USP32: variants seen among roughly 807,000 people sequenced by gnomAD.
USP32 encodes ubiquitin carboxyl-terminal hydrolase 32.
In USP32, 59 loss-of-function variants were observed where a neutral mutation model predicts 204.8. The ratio of observed to expected loss-of-function variants is 0.29; its 90% confidence interval spans 0.23 to 0.36. The LOEUF is 0.36. Ranked by LOEUF, USP32 falls within the 10% of genes least tolerant of loss-of-function variation. USP32 has a pLI of 1.00. For synonymous variants in USP32, 517 were observed against 678.4 expected (o/e 0.76, Z 3.70); for missense variants, 1,160 against 1,946.4 (o/e 0.60, Z 7.60).
chr17:60,264,103 T>A (rs1427189131), intron 9 of USP32, among the ~76,000 whole-genome samples: 3 of 152,182 alleles, frequency 2.0e-5, no homozygotes, highest in Non-Finnish European at 4.4e-5. Flanking sequence ...TAATAAATGT[T>A]ACCAAACTAA....
intron 2 of USP32, chr17:60,315,790 C>T (rs2087961363): frequency 1.3e-5 from 2 of 152,314 alleles, no homozygotes; most frequent in South Asian, 4.1e-4. Context: ...CACTGAGCTC[C>T]TGCAGAGGGA....
chr17:60,302,246 T>G (rs1045056964), intron 2 of USP32, among the ~76,000 whole-genome samples: 3 of 152,116 alleles, frequency 2.0e-5, no homozygotes, highest in Non-Finnish European at 4.4e-5. Flanking sequence ...GCAATTCTCC[T>G]GCCTCAGTCT....
intron 9 of USP32, among the ~76,000 whole-genome samples, chr17:60,261,053 A>G (rs2086440249): frequency 6.6e-6 from 1 of 152,238 alleles, no homozygotes; most frequent in Non-Finnish European, 1.5e-5. Context: ...TACACTGAAC[A>G]GTCACGACTA....
chr17:60,279,296 C>A (rs1367408796), intron 5 of USP32, among the ~76,000 whole-genome samples: 1 of 151,726 alleles, frequency 6.6e-6, no homozygotes, highest in Non-Finnish European at 1.5e-5. Context: ...CCAGCCTGGG[C>A]AACATGATGA....
At chr17:60,209,627 T>G (rs933020116) in intron 21 of USP32, 84 bp from the exon 22 acceptor site, 1 of 911,104 alleles carries the variant, frequency 1.1e-6, no homozygotes, top group Non-Finnish European at 1.6e-6. Flanking sequence ...ATCAGAGCCA[T>G]TGTAAGAAAA....
Position 60,288,696 on chromosome 17 carries a change from A to G in USP32, c.412-14T>C. The G allele has an allele frequency of 1.3e-6, 2 of 1,590,152 alleles. No homozygotes were observed. The highest frequency in any genetic ancestry group is 1.7e-6 in the Non-Finnish European group (2 of 1,171,726). On this transcript the variant is annotated splice_polypyrimidine_tract_variant and intron_variant, in intron 4 of 33. Coordinates refer to ENST00000300896, the MANE Select transcript of USP32 (RefSeq NM_032582.4). Reference sequence around the variant, plus strand: ...TACCTTTTCACCCTAAAATTAAAACAAGAAAACATAAGTTTAGTCAAATTT... The same window carrying G: ...TACCTTTTCACCCTAAAATTAAAACGAGAAAACATAAGTTTAGTCAAATTT...
upstream of USP32, among the ~76,000 whole-genome samples, chr17:60,395,321 G>A (rs370387508): frequency 3.0e-4 from 45 of 152,332 alleles, no homozygotes; most frequent in African/African-American, 9.6e-4. Context: ...AAAATTGTGA[G>A]TTGAGATAGC....
In USP32 at chr17:60,255,272, A is replaced by G; in HGVS notation, c.991-14T>C. On this transcript the variant is annotated splice_polypyrimidine_tract_variant and intron_variant, in intron 9 of 33. Coordinates refer to ENST00000300896, the MANE Select transcript of USP32 (RefSeq NM_032582.4). ...AAGATGACCCATCTGAAACAGAGAC[A>G]CTCATGTTAGGAACATCTTTTTTTT... 6.4e-7 allele frequency: 1 copy of G among 1,570,038 alleles called. No homozygotes were observed. Among genetic ancestry groups the G allele is most frequent in the Non-Finnish European group, 8.6e-7 (1 of 1,158,654 alleles).
chr17:60,391,118 A>G (rs1165498138), intron 1 of USP32, among the ~76,000 whole-genome samples: 3 of 152,194 alleles, frequency 2.0e-5, no homozygotes, highest in Non-Finnish European at 4.4e-5. Flanking sequence ...ATTTAACACA[A>G]TATCTGAATG....
intron 11 of USP32, among the ~76,000 whole-genome samples, chr17:60,250,921 A>C (rs1014475820): frequency 2.0e-5 from 3 of 151,618 alleles, no homozygotes; most frequent in African/African-American, 7.3e-5. Context: ...TTGCATATGG[A>C]GTGGCCACCC....
intron 2 of USP32, among the ~76,000 whole-genome samples, chr17:60,323,161 T>C (rs1021879650): frequency 6.6e-6 from 1 of 151,912 alleles, no homozygotes; most frequent in African/African-American, 2.4e-5. Context: ...TCCAAAGAAA[T>C]GGAAATATAT....
chr17:60,381,631 T>C (rs1166976924), intron 1 of USP32, among the ~76,000 whole-genome samples: 1 of 152,152 alleles, frequency 6.6e-6, no homozygotes, highest in South Asian at 2.1e-4. Flanking sequence ...TGGCAAGCCC[T>C]AGTAGTTTCT....
At chr17:60,289,506 C>T (rs1740893947) in intron 4 of USP32, among the ~76,000 whole-genome samples, 1 of 152,282 alleles carries the variant, frequency 6.6e-6, no homozygotes, top group East Asian at 1.9e-4. Context: ...TCCCAGAAGG[C>T]ATCACTGAAA....
rs181554413 is a variant in USP32 at position 60,178,966 on chromosome 17, A to T, written c.*289T>A. 396 of 334,682 alleles carry T rather than the reference A, an allele frequency of 1.2e-3. 3 individuals are homozygous for T. In the East Asian group the frequency reaches 0.018, roughly 15 times the overall value. 20.7% of individuals were successfully genotyped at this position (334,682 alleles called of 1,614,324 possible). On this transcript the variant is annotated 3_prime_UTR_variant, in exon 34 of 34. Coordinates refer to ENST00000300896, the MANE Select transcript of USP32 (RefSeq NM_032582.4). ...ATTTGTTCATATCTGGACAAGCACA[A>T]TTGAATTCTTATTTGGTCCCAGGTG...
chr17:60,309,566 C>T (rs1267738665), intron 2 of USP32, among the ~76,000 whole-genome samples: 1 of 152,076 alleles, frequency 6.6e-6, no homozygotes, highest in African/African-American at 2.4e-5. Context: ...TGCACTACTG[C>T]TCTCCAGTGT....
chr17:60,324,329 T>C (rs1470294516), intron 2 of USP32, among the ~76,000 whole-genome samples: 1 of 151,080 alleles, frequency 6.6e-6, no homozygotes, highest in Non-Finnish European at 1.5e-5. Flanking sequence ...TTTTTAAAAC[T>C]AACCAGATTC....
intron 14 of USP32, among the ~76,000 whole-genome samples, 196 bp downstream of exon 14, chr17:60,223,215 G>C (rs1210614987): frequency 6.6e-6 from 1 of 152,052 alleles, no homozygotes; most frequent in Non-Finnish European, 1.5e-5. Context: ...ATAATGCCAA[G>C]GGTTACTAAA....
At chr17:60,417,119 T>C (rs1212775847) in intron 1 of USP32, among the ~76,000 whole-genome samples, 5 of 152,120 alleles carry the variant, frequency 3.3e-5, no homozygotes, top group Non-Finnish European at 7.4e-5. Flanking sequence ...GTTTTAACCG[T>C]GTTGGCCAGG....
intron 18 of USP32, 103 bp downstream of exon 18, chr17:60,213,478 C>A (rs2085024045): frequency 5.5e-6 from 3 of 547,938 alleles, no homozygotes; most frequent in Non-Finnish European, 9.4e-6. Context: ...ACATAATAAT[C>A]AAATAATAGT....
Sources: allele counts gnomAD v4.1 joint callset (sites outside exome capture counted in the v4.1 genomes callset), GRCh38; gene constraint gnomAD v4.1.1; transcripts MANE v1.5; gene names NCBI Gene and HGNC (gene_info 2026-07-23, HGNC 2026-07-21).